CDH3: variants seen among roughly 807,000 people sequenced by gnomAD.
CDH3 encodes the protein cadherin 3.
Under a neutral mutation model 82.0 loss-of-function variants are expected in CDH3, and 54 were observed. The ratio of observed to expected loss-of-function variants is 0.66; its 90% CI spans 0.53 to 0.83. CDH3 has a LOEUF of 0.83. Ranked by LOEUF, CDH3 falls within the 40% of genes least tolerant of loss-of-function variation. The pLI, the probability that CDH3 is intolerant of heterozygous loss-of-function variation, is 0.00. For missense variants in CDH3, 1,054 were observed against 1,084.6 expected (o/e 0.97, Z 0.40); for synonymous variants, 446 against 437.9 (o/e 1.02, Z -0.23).
chr16:68,710,197 T>G (rs6499194), intron 1 of CDH3, among the ~76,000 whole-genome samples: 3 of 152,002 alleles, frequency 2.0e-5, no homozygotes, highest in East Asian at 1.9e-4. Flanking sequence ...CTCTGCACCC[T>G]CTATGGCCAC....
downstream of CDH3, among the ~76,000 whole-genome samples, chr16:68,700,727 G>A (rs182865138): frequency 5.9e-5 from 9 of 152,290 alleles, no homozygotes; most frequent in East Asian, 3.9e-4. Context: ...TGGGTGTGGC[G>A]CCTATAATCC....
At chr16:68,710,380 G>A (rs1597827755) in intron 1 of CDH3, among the ~76,000 whole-genome samples, 1 of 152,220 alleles carries the variant, frequency 6.6e-6, no homozygotes, top group East Asian at 1.9e-4. Flanking sequence ...TCAACCAGGG[G>A]TAGTTATGCC....
intron 12 of CDH3, among the ~76,000 whole-genome samples, chr16:68,689,377 T>TA (rs1961501162): frequency 6.6e-6 from 1 of 151,694 alleles, no homozygotes; most frequent in Non-Finnish European, 1.5e-5. Flanking sequence ...ACTAAAAATA[T>TA]AAAAAATAAT....
At chr16:68,684,067 CAA>C (rs33992366) in intron 9 of CDH3, among the ~76,000 whole-genome samples, 3 of 119,772 alleles carry the variant, frequency 2.5e-5, no homozygotes, top group Non-Finnish European at 1.7e-5. Flanking sequence ...ACTCCGTCTC[CAA>C]AAAAAAAAAA....
Position 68,645,755 on chromosome 16 carries a change from G to C in CDH3, c.160+5G>C. 6.5e-7 allele frequency: 1 copy of C among 1,540,924 alleles called. No individual in the cohort carries two copies. The highest frequency in any genetic ancestry group is 1.4e-5 in the African/African-American group (1 of 73,038). On this transcript the variant is annotated splice_donor_5th_base_variant and intron_variant, in intron 2 of 15. Transcript: ENST00000264012. ...CCGGCCAGGCGCTGGGGAAAGGTAA[G>C]ATCCTCAGGGTGGAACCGCAGGGTA...
chr16:68,649,307 T>C (rs919949206), intron 2 of CDH3, among the ~76,000 whole-genome samples: 2 of 152,212 alleles, frequency 1.3e-5, no homozygotes, highest in Admixed American at 1.3e-4. Context: ...CCAAGTTCAA[T>C]AATGCATCTG....
chr16:68,691,493 A>T (rs1052561727), intron 12 of CDH3, among the ~76,000 whole-genome samples: 3 of 152,224 alleles, frequency 2.0e-5, no homozygotes, highest in Admixed American at 6.5e-5. Flanking sequence ...TGATTTTTTT[A>T]AAAGTAAAAT....
Position 68,679,037 on chromosome 16 carries a change from C to A in CDH3, c.691+131C>A, listed in dbSNP as rs1026913688. 1.2e-5 allele frequency: 11 copies of A among 882,048 alleles called. No individual in the cohort carries two copies. In the African/African-American group the frequency reaches 1.8e-4, roughly 15 times the overall value. 54.6% of individuals were successfully genotyped at this position (882,048 alleles called of 1,614,324 possible). A position where few individuals can be genotyped will look rare whatever the true frequency, so the allele number is the denominator to read the frequency against. On this transcript the variant is annotated intron_variant, in intron 6 of 15. Transcript: ENST00000264012. ...GATCTTCTTAAAAATCCAGATTTCC[C>A]CCCTTCCATCCCAAGGTTCCTGAAT...
chr16:68,652,725 A>G (rs1049511551), intron 2 of CDH3, among the ~76,000 whole-genome samples: 2 of 152,090 alleles, frequency 1.3e-5, no homozygotes, highest in Non-Finnish European at 2.9e-5. Context: ...CCTAATTTCA[A>G]CCTTCTCTCA....
intron 11 of CDH3, among the ~76,000 whole-genome samples, chr16:68,686,916 C>T (rs540616106): frequency 4.6e-5 from 7 of 152,116 alleles, no homozygotes; most frequent in East Asian, 1.9e-4. Flanking sequence ...TGCAGTGAGC[C>T]GAAATTGTGC....
chr16:68,652,535 G>C (rs939759214), intron 2 of CDH3, among the ~76,000 whole-genome samples: 1 of 152,164 alleles, frequency 6.6e-6, no homozygotes, highest in African/African-American at 2.4e-5. Flanking sequence ...TTGAGGCTTT[G>C]GTCCTGAGGC....
intron 2 of CDH3, among the ~76,000 whole-genome samples, chr16:68,660,556 C>G (rs1960536577): frequency 2.0e-5 from 3 of 152,288 alleles, no homozygotes; most frequent in East Asian, 3.9e-4. Context: ...CATTTCTGTT[C>G]TTATTTTCCC....
intron 2 of CDH3, among the ~76,000 whole-genome samples, chr16:68,659,519 G>A (rs1356119017): frequency 6.6e-6 from 1 of 151,502 alleles, no homozygotes; most frequent in Non-Finnish European, 1.5e-5. Context: ...AGGTTGCAGT[G>A]AGCCAAGATC....
Position 68,684,455 on chromosome 16 carries a change from G to A in CDH3, c.1183-128G>A, listed in dbSNP as rs1328964088. On this transcript the variant is annotated intron_variant, in intron 9 of 15. Transcript: ENST00000264012. ...GGAGTGTTTATGTTACAGAGAAAGGGCAGCACTGTTGCTAGTGAGGGCCTC... is the reference window on the plus strand; with the variant it reads ...GGAGTGTTTATGTTACAGAGAAAGGACAGCACTGTTGCTAGTGAGGGCCTC... The A allele has an allele frequency of 2.6e-5, 27 of 1,034,408 alleles. No individual in the cohort carries two copies. The South Asian group carries it at 2.8e-4, about 11-fold the overall frequency. 64.1% of individuals were successfully genotyped at this position (1,034,408 alleles called of 1,614,324 possible).
At position 68,678,691 on chromosome 16, in the gene CDH3, C is replaced by G. The variant is rs76528263; in HGVS notation, c.546+35C>G. The stretch of plus-strand genomic sequence containing the variant: ...CTTTAGTGTCTACTGTAAATGTCCC[C>G]TCAGAAGTGGGATCCTAGGCCTGGT... On this transcript the variant is annotated intron_variant, in intron 5 of 15. Transcript: ENST00000264012. 2.8e-3 allele frequency: 4,594 copies of G among 1,614,116 alleles called. 108 individuals are homozygous for G. The African/African-American group carries it at 0.048, about 17-fold the overall frequency.
chr16:68,650,927 T>G, intron 2 of CDH3: 1 of 207,616 alleles, frequency 4.8e-6, no homozygotes, highest in Non-Finnish European at 9.6e-6. Flanking sequence ...ATTGGCAACA[T>G]TGAACAGGTT....
intron 2 of CDH3, among the ~76,000 whole-genome samples, chr16:68,727,092 A>G (rs963265988): frequency 1.3e-5 from 2 of 152,222 alleles, no homozygotes; most frequent in Non-Finnish European, 2.9e-5. Flanking sequence ...GGGCCAGGAT[A>G]GAACAAAAAG....
chr16:68,710,239 T>C (rs1211451613), intron 1 of CDH3, among the ~76,000 whole-genome samples: 1 of 152,184 alleles, frequency 6.6e-6, no homozygotes, highest in Non-Finnish European at 1.5e-5. Context: ...CTTCCATGGC[T>C]CCAACACTCC....
Position 68,687,673 on chromosome 16 carries a change from C to G in CDH3, c.1732C>G (p.Pro578Ala). 6.2e-7 allele frequency: 1 copy of G among 1,614,112 alleles called. No homozygotes were observed. Among genetic ancestry groups the G allele is most frequent in the East Asian group, 2.2e-5 (1 of 44,846 alleles). ...CAAGGACCTGTCTCCCCACACCTCC[C>G]CTTTCCAGGCCCAGCTCACAGATGA... ...TDKDLSPHTS[P>A]FQAQLTDDSD... Residue 578 changes from proline (P) to alanine (A), a missense_variant, in exon 12 of 16, where the codon CCT becomes GCT. Transcript: ENST00000264012.
Sources: gnomAD v4.1 joint callset for allele counts (sites outside exome capture counted in the v4.1 genomes callset) on GRCh38, gnomAD v4.1.1 for gene constraint, MANE v1.5 for transcripts, NCBI Gene and HGNC (gene_info 2026-07-23, HGNC 2026-07-21) for gene names.